Variants in HECW2 observed in about 807,000 individuals in gnomAD.
The protein encoded by HECW2 is HECT, C2 and WW domain containing E3 ubiquitin protein ligase 2.
In HECW2, 61 loss-of-function variants were observed where a neutral mutation model predicts 175.2. The ratio of observed to expected loss-of-function variants is 0.35; its 90% confidence interval spans 0.28 to 0.43. HECW2 has a LOEUF of 0.43. Among genes scored for constraint, HECW2 ranks in the 20% least tolerant of loss-of-function variants. The probability of loss-of-function intolerance (pLI) is 1.00; values close to 1 mark genes in which losing one functional copy is unlikely to be tolerated. For missense variants in HECW2, 1,524 were observed against 2,000.5 expected (o/e 0.76, Z 4.54); for synonymous variants, 671 against 731.0 (o/e 0.92, Z 1.32).
At chr2:196,419,371 G>A (rs1460193982) in intron 2 of HECW2, among the ~76,000 whole-genome samples, 7 of 152,128 alleles carry the variant, frequency 4.6e-5, no homozygotes, top group Non-Finnish European at 8.8e-5. Context: ...CAAACCCTTC[G>A]GGACAAAAGA....
At chr2:196,538,888 C>A (rs570358318) in intron 1 of HECW2, among the ~76,000 whole-genome samples, 1 of 152,254 alleles carries the variant, frequency 6.6e-6, no homozygotes, top group African/African-American at 2.4e-5. Context: ...ATCAACGCAC[C>A]ACCACAGCAG....
intron 1 of HECW2, among the ~76,000 whole-genome samples, chr2:196,556,030 AG>A: frequency 6.6e-6 from 1 of 152,312 alleles, no homozygotes; most frequent in Middle Eastern, 3.4e-3. Flanking sequence ...CTCCCCAAGC[AG>A]GTCAGTTAAC....
At chr2:196,562,213 GTTCC>G (rs1321618653) in intron 1 of HECW2, among the ~76,000 whole-genome samples, 1 of 152,186 alleles carries the variant, frequency 6.6e-6, no homozygotes, top group East Asian at 1.9e-4. Context: ...CTCCTTCATA[GTTCC>G]TTCCCTTTCC....
At chr2:196,212,426 C>T (rs910791053) in intron 28 of HECW2, among the ~76,000 whole-genome samples, 6 of 152,012 alleles carry the variant, frequency 3.9e-5, no homozygotes, top group African/African-American at 7.3e-5. Context: ...ATTTAGCTCC[C>T]GCTTGTGAGA....
chr2:196,305,201 G>C (rs1374144891), intron 13 of HECW2, among the ~76,000 whole-genome samples: 1 of 152,158 alleles, frequency 6.6e-6, no homozygotes, highest in Non-Finnish European at 1.5e-5. Context: ...GTATCCCTAG[G>C]TCTTAGCTCA....
At chr2:196,434,396 G>A (rs1017492155) in intron 1 of HECW2, among the ~76,000 whole-genome samples, 47 of 151,932 alleles carry the variant, frequency 3.1e-4, no homozygotes, top group African/African-American at 9.9e-4. Flanking sequence ...ATTTCCTTTG[G>A]CTCCCGATAA....
chr2:196,327,919 C>T (rs1163967544), intron 5 of HECW2, among the ~76,000 whole-genome samples: 1 of 152,152 alleles, frequency 6.6e-6, no homozygotes, highest in Non-Finnish European at 1.5e-5. Flanking sequence ...CTCACATAGT[C>T]AGTTAATAAC....
chr2:196,241,782 A>G (rs1454936147), intron 20 of HECW2, among the ~76,000 whole-genome samples: 1 of 152,244 alleles, frequency 6.6e-6, no homozygotes, highest in Non-Finnish European at 1.5e-5. Context: ...GCTAATGAAT[A>G]TACTATGCAC....
At chr2:196,241,941 C>T in intron 20 of HECW2, 143 bp downstream of exon 20, 1 of 726,400 alleles carries the variant, frequency 1.4e-6, no homozygotes, top group East Asian at 2.5e-5. Flanking sequence ...TTAGATGATC[C>T]TATAATTTAC....
chr2:196,519,921 T>C (rs889079111), intron 1 of HECW2, among the ~76,000 whole-genome samples: 2 of 152,184 alleles, frequency 1.3e-5, no homozygotes, highest in Admixed American at 6.5e-5. Context: ...TTCCCTCCAA[T>C]CCACACTAGT....
chr2:196,216,012 G>T, intron 27 of HECW2, 35 bp from the exon 28 acceptor site: 1 of 1,458,302 alleles, frequency 6.9e-7, no homozygotes, highest in Non-Finnish European at 9.6e-7. Context: ...AGAAGGTGAA[G>T]CCAGAGACCA....
chr2:196,519,542 C>T (rs79485115), intron 1 of HECW2, among the ~76,000 whole-genome samples: 2,384 of 151,994 alleles, frequency 0.016, 69 homozygotes, highest in African/African-American at 0.055. Flanking sequence ...TGCTTTATAC[C>T]AGAAAAAAAA....
intron 2 of HECW2, among the ~76,000 whole-genome samples, chr2:196,422,351 A>G (rs765236745): frequency 1.3e-5 from 2 of 152,142 alleles, no homozygotes; most frequent in Non-Finnish European, 2.9e-5. Flanking sequence ...CTGAACAATG[A>G]GCTCTGAGCC....
intron 2 of HECW2, among the ~76,000 whole-genome samples, chr2:196,408,753 T>A (rs1009884366): frequency 5.3e-5 from 8 of 152,238 alleles, no homozygotes; most frequent in Non-Finnish European, 1.2e-4. Context: ...CATTATTTTT[T>A]ATCACATGTT....
chr2:196,264,097 T>C (rs1468826608), intron 17 of HECW2: 4 of 152,222 alleles, frequency 2.6e-5, no homozygotes, highest in East Asian at 1.9e-4. Flanking sequence ...GGGATGCTTA[T>C]TTTGTTTGCT....
intron 13 of HECW2, among the ~76,000 whole-genome samples, chr2:196,296,290 T>C (rs1411637089): frequency 6.6e-6 from 1 of 152,214 alleles, no homozygotes; most frequent in Admixed American, 6.5e-5. Context: ...TTAATCTCTG[T>C]CTCAATTTGC....
At chr2:196,375,535 T>G (rs1376527861) in intron 2 of HECW2, among the ~76,000 whole-genome samples, 1 of 152,244 alleles carries the variant, frequency 6.6e-6, no homozygotes, top group Non-Finnish European at 1.5e-5. Flanking sequence ...ATTTCACAGC[T>G]TGTTACCACT....
chr2:196,420,840 A>G (rs60233883), intron 2 of HECW2, among the ~76,000 whole-genome samples: 39,225 of 151,974 alleles, frequency 0.26, 5,460 homozygotes, highest in African/African-American at 0.35. Context: ...ATGTCTATGA[A>G]AAAAACACAA....
At chr2:196,316,363 T>C (rs980826285) in intron 10 of HECW2, 1 of 152,214 alleles carries the variant, frequency 6.6e-6, no homozygotes, top group Admixed American at 6.5e-5. Context: ...TCCCCTCCCT[T>C]CTTTATGTTC....
Sources: allele counts gnomAD v4.1 joint callset (sites outside exome capture counted in the v4.1 genomes callset), GRCh38; gene constraint gnomAD v4.1.1; transcripts MANE v1.5; gene names NCBI Gene and HGNC (gene_info 2026-07-23, HGNC 2026-07-21).